The following MLLT10 variants were observed in gnomAD, a reference collection of about 807,000 sequenced individuals.
MLLT10 encodes the protein MLLT10 histone lysine methyltransferase DOT1L cofactor.
A neutral mutation model predicts 129.1 loss-of-function variants in MLLT10; 30 were observed. The observed-to-expected ratio is 0.23, with a 90% CI of 0.17 to 0.32. The LOEUF (loss-of-function observed/expected upper bound fraction) is 0.32. Ranked by LOEUF, MLLT10 falls within the 10% of genes least tolerant of loss-of-function variation. MLLT10 has a pLI of 1.00. For synonymous variants in MLLT10, 490 were observed against 446.4 expected, an observed-to-expected ratio of 1.10 and a Z score of -1.23; for missense variants, 1,119 against 1,268.3, an observed-to-expected ratio of 0.88 and a Z score of 1.79.
At chr10:21,605,531 A>G (rs1352226883) in intron 5 of MLLT10, among the ~76,000 whole-genome samples, 4 of 151,936 alleles carry the variant, frequency 2.6e-5, no homozygotes, top group East Asian at 1.9e-4. Context: ...TGCAACATCA[A>G]CCTCCCGGGT....
At chr10:21,591,475 C>A (rs947561661) in intron 4 of MLLT10, among the ~76,000 whole-genome samples, 14 of 151,834 alleles carry the variant, frequency 9.2e-5, no homozygotes, top group Admixed American at 5.9e-4. Context: ...ATTGATTTTC[C>A]CTCTTATTTC....
chr10:21,548,725 G>A (rs2036497812), intron 3 of MLLT10, among the ~76,000 whole-genome samples: 3 of 151,912 alleles, frequency 2.0e-5, no homozygotes. Flanking sequence ...TCAGATTTAT[G>A]CTTATTTTTA....
chr10:21,713,204 G>A (rs879769972), intron 13 of MLLT10, among the ~76,000 whole-genome samples: 65 of 152,084 alleles, frequency 4.3e-4, no homozygotes, highest in Non-Finnish European at 8.8e-4. Context: ...CTGTGTTATC[G>A]CTGGAATGTC....
At chr10:21,708,013 T>C (rs147022188) in intron 13 of MLLT10, among the ~76,000 whole-genome samples, 2 of 152,326 alleles carry the variant, frequency 1.3e-5, no homozygotes, top group African/African-American at 2.4e-5. Context: ...TCCATTATAG[T>C]ATGTGTTGGA....
intron 5 of MLLT10, among the ~76,000 whole-genome samples, chr10:21,600,674 T>C (rs1261364565): frequency 1.3e-5 from 2 of 152,212 alleles, no homozygotes; most frequent in Non-Finnish European, 2.9e-5. Context: ...AATTGATTTT[T>C]CTTTTCTGGA....
At chr10:21,608,550 A>AT (rs1442676742) in intron 5 of MLLT10, among the ~76,000 whole-genome samples, 5 of 151,778 alleles carry the variant, frequency 3.3e-5, no homozygotes, top group Admixed American at 2.6e-4. Context: ...TGTATGTATA[A>AT]TTTTTTTAAA....
At chr10:21,559,891 T>C (rs2051168253) in intron 3 of MLLT10, among the ~76,000 whole-genome samples, 1 of 152,206 alleles carries the variant, frequency 6.6e-6, no homozygotes, top group African/African-American at 2.4e-5. Context: ...CTTTTTGCTA[T>C]TGTGAATAAT....
chr10:21,717,253 C>CAAAAAAA (rs747244556), intron 14 of MLLT10, among the ~76,000 whole-genome samples: 2 of 63,552 alleles, frequency 3.1e-5, no homozygotes, highest in Non-Finnish European at 5.6e-5. Context: ...AACTCCGTCT[C>CAAAAAAA]AAAAAAAAAA....
In MLLT10 at chr10:21,574,083, G is replaced by A. The variant is rs187181501; in HGVS notation, c.241-12211G>A. On this transcript the variant is annotated intron_variant, in intron 3 of 22. Transcript: ENST00000307729. ...TGTGTGAGATTGATTTATAGTGTTT[G>A]AAGGAACTTATCAGTGAAAAAATCT... Among the ~76,000 whole-genome samples, 41 of 152,256 alleles carry A rather than the reference G, an allele frequency of 2.7e-4. 1 individual carries two copies. The highest frequency in any genetic ancestry group is 6.5e-4 in the Admixed American group (10 of 15,268).
At chr10:21,687,026 C>T (rs1397358367) in intron 13 of MLLT10, among the ~76,000 whole-genome samples, 1 of 152,066 alleles carries the variant, frequency 6.6e-6, no homozygotes, top group Non-Finnish European at 1.5e-5. Flanking sequence ...TTACTTAGAT[C>T]AGTTTTCACA....
chr10:21,566,186 C>G (rs1443295828), intron 3 of MLLT10, among the ~76,000 whole-genome samples: 2 of 151,350 alleles, frequency 1.3e-5, no homozygotes, highest in Non-Finnish European at 2.9e-5. Context: ...AACATTGAAC[C>G]TCAGGTGATC....
chr10:21,678,509 G>C (rs1172875099), intron 11 of MLLT10, among the ~76,000 whole-genome samples: 2 of 152,180 alleles, frequency 1.3e-5, no homozygotes, highest in Non-Finnish European at 2.9e-5. Context: ...GAAGTAGGCA[G>C]AAGACGAAGG....
chr10:21,577,888 A>G (rs2040955072), intron 3 of MLLT10, among the ~76,000 whole-genome samples: 1 of 151,300 alleles, frequency 6.6e-6, no homozygotes, highest in South Asian at 2.1e-4. Flanking sequence ...ATTTTTATTT[A>G]TTTTTTTCAT....
intron 5 of MLLT10, among the ~76,000 whole-genome samples, chr10:21,606,138 T>C (rs777171364): frequency 1.6e-4 from 25 of 152,184 alleles, no homozygotes; most frequent in Non-Finnish European, 3.2e-4. Flanking sequence ...TAATAAATGT[T>C]GTATGTGTTC....
intron 11 of MLLT10, among the ~76,000 whole-genome samples, chr10:21,678,648 C>A (rs1375059696): frequency 6.6e-6 from 1 of 152,038 alleles, no homozygotes; most frequent in Non-Finnish European, 1.5e-5. Flanking sequence ...GAGATTAATG[C>A]CAGACTGAAG....
intron 3 of MLLT10, among the ~76,000 whole-genome samples, chr10:21,541,820 A>AT (rs1420614489): frequency 2.0e-5 from 3 of 152,048 alleles, no homozygotes; most frequent in African/African-American, 4.8e-5. Flanking sequence ...GGCCAGAGCA[A>AT]TTTTTTTATA....
intron 8 of MLLT10, among the ~76,000 whole-genome samples, chr10:21,649,488 A>C (rs1281143462): frequency 6.6e-6 from 1 of 152,234 alleles, no homozygotes; most frequent in Non-Finnish European, 1.5e-5. Context: ...TTAGTGGCTT[A>C]TTAAGCGGTG....
At chr10:21,563,247 C>T (rs910894197) in intron 3 of MLLT10, among the ~76,000 whole-genome samples, 13 of 151,864 alleles carry the variant, frequency 8.6e-5, no homozygotes, top group South Asian at 2.1e-4. Context: ...TCTGGAGGCC[C>T]GGCGCGTGGC....
At position 21,735,101 on chromosome 10, in the gene MLLT10, G is replaced by C. The variant is rs373677456; in HGVS notation, c.2859-38G>C. The C allele has an allele frequency of 3.5e-6, 5 of 1,427,624 alleles. No individual in the cohort carries two copies. In the African/African-American group the frequency reaches 7.1e-5, roughly 20 times the overall value. The allele number at this position is 1,427,624 out of a possible 1,614,324, so 88.4% of individuals were successfully genotyped here. A position where few individuals can be genotyped will look rare whatever the true frequency, so the allele number is the denominator to read the frequency against. ...TTAGACTTCTAAAAATGCATTAGAGGTGTGTAGTAAAAAGTAAGAATTGTA... is the reference window on the plus strand; with the variant it reads ...TTAGACTTCTAAAAATGCATTAGAGCTGTGTAGTAAAAAGTAAGAATTGTA... On this transcript the variant is annotated intron_variant, in intron 20 of 22. Transcript: ENST00000307729.
Sources: allele counts gnomAD v4.1 joint callset (sites outside exome capture counted in the v4.1 genomes callset), GRCh38; gene constraint gnomAD v4.1.1; transcripts MANE v1.5; gene names NCBI Gene and HGNC (gene_info 2026-07-23, HGNC 2026-07-21).